The following NOS1 variants were observed in gnomAD, a reference collection of about 807,000 sequenced individuals.
NOS1 encodes the protein NOS type I.
In NOS1, 51 loss-of-function variants were observed where a neutral mutation model predicts 164.5. The ratio of observed to expected loss-of-function variants is 0.31; its 90% CI spans 0.25 to 0.39. The LOEUF (loss-of-function observed/expected upper bound fraction) is 0.39, where lower values mean the gene tolerates loss of function less well. NOS1 is among the 10% of genes least tolerant of loss of function. The probability of loss-of-function intolerance (pLI) is 1.00; values close to 1 mark genes in which losing one functional copy is unlikely to be tolerated. For synonymous variants in NOS1, 719 were observed against 745.8 expected (o/e 0.96, Z 0.59); for missense variants, 1,362 against 1,885.6 (o/e 0.72, Z 5.14).
At chr12:117,255,993 A>T in intron 16 of NOS1, 1 of 1,475,680 alleles carries the variant, frequency 6.8e-7, no homozygotes, top group Non-Finnish European at 8.9e-7. Flanking sequence ...ACCATTGGGG[A>T]GGGGAGGCCC....
intron 1 of NOS1, among the ~76,000 whole-genome samples, chr12:117,342,091 A>G (rs1270393013): frequency 6.6e-6 from 1 of 152,136 alleles, no homozygotes; most frequent in Non-Finnish European, 1.5e-5. Context: ...TCTAACCCCC[A>G]TCAACATTAT....
At chr12:117,232,794 G>A (rs1053868864) in intron 21 of NOS1, among the ~76,000 whole-genome samples, 1 of 152,090 alleles carries the variant, frequency 6.6e-6, no homozygotes, top group Admixed American at 6.5e-5. Context: ...TCCATCAGGG[G>A]TTCAATCCCA....
At position 117,211,430 on chromosome 12, in the gene NOS1, T is replaced by C. The variant is rs754949666; in HGVS notation, c.*3879A>G. On this transcript the variant is annotated 3_prime_UTR_variant, in exon 29 of 29. Coordinates refer to ENST00000317775, the MANE Select transcript of NOS1 (RefSeq NM_000620.5). ...GCTCAACGGGCCATGCTCTGTACTG[T>C]GGCCAGAACTTTCTTTTCCAAGTAT... 188 of 985,432 alleles carry C rather than the reference T, an allele frequency of 1.9e-4. No individual in the cohort carries two copies. Among genetic ancestry groups the C allele is most frequent in the South Asian group, 7.5e-4 (16 of 21,282 alleles). 61.0% of individuals were successfully genotyped at this position (985,432 alleles called of 1,614,324 possible). A position where few individuals can be genotyped will look rare whatever the true frequency, so the allele number is the denominator to read the frequency against.
intron 2 of NOS1, among the ~76,000 whole-genome samples, chr12:117,317,608 CA>C (rs1339295379): frequency 6.6e-6 from 1 of 151,948 alleles, no homozygotes; most frequent in African/African-American, 2.4e-5. Context: ...GCAATGCTTC[CA>C]AGTTCCTCCC....
In NOS1 at chr12:117,278,924, A is replaced by G. The variant is rs1348774852; in HGVS notation, c.1525-826T>C. ...TAATATATCAAATAATACATTAAAT[A>G]TCAACATTAATTTATTAATAATAAA... is the stretch of plus-strand genomic sequence containing the variant. On this transcript the variant is annotated intron_variant, in intron 8 of 28. Transcript: ENST00000317775. 2.0e-5 allele frequency among the ~76,000 whole-genome samples: 3 copies of G among 149,978 alleles called. No individual in the cohort carries two copies. The East Asian group carries it at 5.8e-4, about 29-fold the overall frequency.
At chr12:117,350,063 T>C (rs1486802830) in intron 1 of NOS1, among the ~76,000 whole-genome samples, 3 of 152,084 alleles carry the variant, frequency 2.0e-5, no homozygotes, top group African/African-American at 7.2e-5. Flanking sequence ...ACACAGACTC[T>C]CAGCTCCCAC....
chr12:117,306,637 T>TC (rs1185919578), intron 3 of NOS1, among the ~76,000 whole-genome samples: 2 of 151,990 alleles, frequency 1.3e-5, no homozygotes, highest in East Asian at 3.9e-4. Context: ...TTTTTTTTTT[T>TC]CAGATGGAGT....
intron 2 of NOS1, among the ~76,000 whole-genome samples, chr12:117,312,627 T>C (rs1019903235): frequency 6.6e-6 from 1 of 152,016 alleles, no homozygotes; most frequent in African/African-American, 2.4e-5. Context: ...CTCACTGTGT[T>C]GCCCAGGCTG....
At chr12:117,250,266 C>T (rs1245204168) in intron 17 of NOS1, among the ~76,000 whole-genome samples, 5 of 152,022 alleles carry the variant, frequency 3.3e-5, no homozygotes, top group African/African-American at 1.2e-4. Flanking sequence ...CCCTCCTTTC[C>T]CCAGAATTCC....
chr12:117,345,348 T>C (rs1876301111), intron 1 of NOS1, among the ~76,000 whole-genome samples: 1 of 152,152 alleles, frequency 6.6e-6, no homozygotes. Context: ...TGTCTTGTTA[T>C]GCTGGAACTT....
intron 2 of NOS1, among the ~76,000 whole-genome samples, chr12:117,329,856 AT>A (rs1246892329): frequency 6.6e-6 from 1 of 152,086 alleles, no homozygotes; most frequent in Non-Finnish European, 1.5e-5. Flanking sequence ...GAGAAAGCTG[AT>A]TTAAGCTAAG....
intron 14 of NOS1, 118 bp downstream of exon 14, chr12:117,260,347 C>T: frequency 9.2e-7 from 1 of 1,086,830 alleles, no homozygotes; most frequent in South Asian, 1.5e-5. Context: ...CTGATAGGCC[C>T]TGTCAGGTGT....
At chr12:117,268,789 G>A (rs1294859466) in intron 10 of NOS1, among the ~76,000 whole-genome samples, 1 of 149,878 alleles carries the variant, frequency 6.7e-6, no homozygotes, top group African/African-American at 2.5e-5. Context: ...AGTAGAGAGG[G>A]GGTTTCACCG....
intron 3 of NOS1, among the ~76,000 whole-genome samples, chr12:117,291,058 A>T (rs1380003397): frequency 2.0e-5 from 3 of 152,190 alleles, no homozygotes; most frequent in African/African-American, 7.2e-5. Context: ...ATTAAAAAAT[A>T]CAAAAATTAG....
intron 3 of NOS1, among the ~76,000 whole-genome samples, chr12:117,293,080 A>G (rs1305855925): frequency 6.6e-6 from 1 of 152,200 alleles, no homozygotes; most frequent in Admixed American, 6.5e-5. Flanking sequence ...TCCTGAGTTA[A>G]GAGAACTATC....
intron 9 of NOS1, among the ~76,000 whole-genome samples, chr12:117,273,239 C>T (rs1191893382): frequency 2.0e-5 from 3 of 152,010 alleles, no homozygotes; most frequent in Non-Finnish European, 4.4e-5. Flanking sequence ...TCATAAGCAC[C>T]GTGGGGGCAG....
chr12:117,253,244 C>A lies in NOS1; in HGVS notation c.2648+394G>T, dbSNP rs550345654. ...AACCTCTCTAGGTGGTTTTGAGGAGCCTCCAGGATTGGGAACCACTGGGTC... is the reference window on the plus strand; with the variant it reads ...AACCTCTCTAGGTGGTTTTGAGGAGACTCCAGGATTGGGAACCACTGGGTC... On this transcript the variant is annotated intron_variant, in intron 17 of 28. Transcript: ENST00000317775. Among the ~76,000 whole-genome samples, 11 of 152,204 alleles carry A rather than the reference C, an allele frequency of 7.2e-5. No homozygotes were observed. In the East Asian group the frequency reaches 2.1e-3, roughly 29 times the overall value.
At chr12:117,357,886 A>G (rs1025227476) in intron 1 of NOS1, among the ~76,000 whole-genome samples, 1 of 152,246 alleles carries the variant, frequency 6.6e-6, no homozygotes, top group Admixed American at 6.5e-5. Context: ...ACAAACCCAC[A>G]CTGATCCATG....
At chr12:117,353,804 A>G (rs907266753) in intron 1 of NOS1, among the ~76,000 whole-genome samples, 1 of 152,110 alleles carries the variant, frequency 6.6e-6, no homozygotes, top group Non-Finnish European at 1.5e-5. Flanking sequence ...CCTCTAAACG[A>G]AAACTAAATC....
Sources: gnomAD v4.1 joint callset for allele counts (sites outside exome capture counted in the v4.1 genomes callset) on GRCh38, gnomAD v4.1.1 for gene constraint, MANE v1.5 for transcripts, NCBI Gene and HGNC (gene_info 2026-07-23, HGNC 2026-07-21) for gene names.